The following KIRREL3 variants were observed in gnomAD, a reference collection of about 807,000 sequenced individuals.
The protein encoded by KIRREL3 is kin of IRRE-like protein 3.
KIRREL3 carries 36 observed loss-of-function variants against 89.7 expected under a neutral mutation model. The ratio of observed to expected loss-of-function variants is 0.40; its 90% CI spans 0.31 to 0.53. The LOEUF (loss-of-function observed/expected upper bound fraction) is 0.53, where lower values mean the gene tolerates loss of function less well. KIRREL3 is among the 20% of genes least tolerant of loss of function. The probability of loss-of-function intolerance (pLI) is 0.49; values close to 1 mark genes in which losing one functional copy is unlikely to be tolerated. For missense variants in KIRREL3, 864 were observed against 1,056.6 expected (o/e 0.82, Z 2.53); for synonymous variants, 445 against 441.4 (o/e 1.01, Z -0.10).
At chr11:126,631,218 T>C (rs1944011886) in intron 1 of KIRREL3, among the ~76,000 whole-genome samples, 1 of 152,208 alleles carries the variant, frequency 6.6e-6, no homozygotes, top group Admixed American at 6.5e-5. Flanking sequence ...TCATCTGAAT[T>C]CATTCTCACA....
chr11:126,505,607 C>A (rs1044133948), intron 4 of KIRREL3, among the ~76,000 whole-genome samples: 1 of 152,114 alleles, frequency 6.6e-6, no homozygotes, highest in Non-Finnish European at 1.5e-5. Context: ...ATCCAACAGT[C>A]ATACACAAAA....
intron 1 of KIRREL3, among the ~76,000 whole-genome samples, chr11:126,695,480 G>C (rs1947056943): frequency 6.7e-6 from 1 of 150,236 alleles, no homozygotes; most frequent in Non-Finnish European, 1.5e-5. Flanking sequence ...TGGTAAAGTT[G>C]GCATTAGTCC....
At position 126,752,630 on chromosome 11, in the gene KIRREL3, TC is replaced by T. The variant is rs796476471; in HGVS notation, c.56-189719del. ...TCATTGGCACTCTAATGACTACTATTCCCCCCCCACCCACTGCCTCCCAAGA... is the reference window on the plus strand; with the variant it reads ...TCATTGGCACTCTAATGACTACTATTCCCCCCCACCCACTGCCTCCCAAGA... On this transcript the variant is annotated intron_variant, in intron 1 of 16. Transcript: ENST00000525144. The surrounding 1 kb of genome is among the most constrained non-coding windows in gnomAD (Gnocchi z 4.8). 6.6e-5 allele frequency among the ~76,000 whole-genome samples: 10 copies of T among 151,672 alleles called. No individual in the cohort carries two copies. Among genetic ancestry groups the T allele is most frequent in the African/African-American group, 9.7e-5 (4 of 41,344 alleles).
chr11:126,772,754 T>C lies in KIRREL3; in HGVS notation c.56-209842A>G, dbSNP rs953591527. 1.3e-5 allele frequency among the ~76,000 whole-genome samples: 2 copies of C among 152,194 alleles called. No homozygotes were observed. Among genetic ancestry groups the C allele is most frequent in the Admixed American group, 1.3e-4 (2 of 15,288 alleles). ...GTCACTGCAGCCTCTGGGGGTGCCA[T>C]CGTGGTGCCTTCTGCTTCCTCCTGC... On this transcript the variant is annotated intron_variant, in intron 1 of 16. Coordinates refer to ENST00000525144, the MANE Select transcript of KIRREL3 (RefSeq NM_032531.4). The surrounding 1 kb of genome is among the most constrained non-coding windows in gnomAD (Gnocchi z 4.6).
rs551971552 is a variant in KIRREL3 at position 126,485,827 on chromosome 11, G to A, written c.434-12361C>T. Among the ~76,000 whole-genome samples the A allele has an allele frequency of 3.5e-4, 53 of 152,304 alleles. No individual in the cohort carries two copies. Among genetic ancestry groups the A allele is most frequent in the Middle Eastern group, 3.4e-3 (1 of 294 alleles). ...TAAACCACTAGAGCGATGACAAGGAGGTCACAGACCCAAAGATCCCACAGC... is the reference window on the plus strand; with the variant it reads ...TAAACCACTAGAGCGATGACAAGGAAGTCACAGACCCAAAGATCCCACAGC... On this transcript the variant is annotated intron_variant, in intron 4 of 16. Transcript: ENST00000525144. The surrounding 1 kb of genome is among the most constrained non-coding windows in gnomAD (Gnocchi z 5.8).
chr11:126,779,002 C>T (rs1950247602), intron 1 of KIRREL3, among the ~76,000 whole-genome samples: 1 of 152,192 alleles, frequency 6.6e-6, no homozygotes. Flanking sequence ...CAACAAATGC[C>T]TTCCATGCCC....
At chr11:126,932,253 G>T (rs1384651394) in intron 1 of KIRREL3, among the ~76,000 whole-genome samples, 1 of 152,188 alleles carries the variant, frequency 6.6e-6, no homozygotes, top group African/African-American at 2.4e-5. Context: ...TCTGGAAGAG[G>T]AGGGCCCTAT....
chr11:126,733,512 A>C (rs1359732717), intron 1 of KIRREL3, among the ~76,000 whole-genome samples: 1 of 140,162 alleles, frequency 7.1e-6, no homozygotes, highest in African/African-American at 2.6e-5. Flanking sequence ...ACTTGCTATA[A>C]AAGCGATCAT....
rs1262234850 is a variant in KIRREL3 at position 126,989,684 on chromosome 11, G to C, written c.55+10771C>G. Among the ~76,000 whole-genome samples the C allele has an allele frequency of 6.6e-6, 1 of 152,172 alleles. No individual in the cohort carries two copies. The highest frequency in any genetic ancestry group is 1.9e-4 in the East Asian group (1 of 5,168). On this transcript the variant is annotated intron_variant, in intron 1 of 16. Transcript: ENST00000525144. The surrounding 1 kb of genome is among the most constrained non-coding windows in gnomAD (Gnocchi z 6.2). ...AAAGGTGAGCCGCCATCCCCTTGGA[G>C]GTAAAGAAAGGCATGACGAAGTCTT...
In KIRREL3 at chr11:126,791,044, C is replaced by G. The variant is rs1950624765; in HGVS notation, c.55+209411G>C. Among the ~76,000 whole-genome samples the G allele has an allele frequency of 6.6e-6, 1 of 152,184 alleles. No homozygotes were observed. The highest frequency in any genetic ancestry group is 1.5e-5 in the Non-Finnish European group (1 of 68,034). On this transcript the variant is annotated intron_variant, in intron 1 of 16. Transcript: ENST00000525144. This position sits in a 1 kb window ranked among gnomAD's most constrained non-coding sequence, Gnocchi z 4.8. Reference sequence around the variant, plus strand: ...GAGAATGCAAATGAGCATGATGTCACTTCTTAGCTTTGGGAGGAAAAAATG... The same window carrying G: ...GAGAATGCAAATGAGCATGATGTCAGTTCTTAGCTTTGGGAGGAAAAAATG...
chr11:126,692,546 A>AG (rs1455159095), intron 1 of KIRREL3, among the ~76,000 whole-genome samples: 2 of 145,802 alleles, frequency 1.4e-5, no homozygotes, highest in Admixed American at 1.4e-4. Context: ...CTCTGTCTCA[A>AG]AAAAAAAAAA....
At chr11:126,737,604 A>G (rs1364808058) in intron 1 of KIRREL3, among the ~76,000 whole-genome samples, 1 of 152,172 alleles carries the variant, frequency 6.6e-6, no homozygotes, top group African/African-American at 2.4e-5. Flanking sequence ...GGATAAAGTG[A>G]GAGACTCTCG....
chr11:126,493,636 C>T (rs1957583105), intron 4 of KIRREL3, among the ~76,000 whole-genome samples: 1 of 111,226 alleles, frequency 9.0e-6, no homozygotes, highest in African/African-American at 3.7e-5. Flanking sequence ...GCCTGGGCGA[C>T]AGAGCAAGAC....
In KIRREL3 at chr11:126,788,669, C is replaced by A. The variant is rs926254491; in HGVS notation, c.55+211786G>T. The stretch of plus-strand genomic sequence containing the variant: ...TTTAGCCTCACCAGACCCATCATCA[C>A]CAGTCCTCCACATTATAGACCACAA... On this transcript the variant is annotated intron_variant, in intron 1 of 16. Transcript: ENST00000525144. The surrounding 1 kb of genome is among the most constrained non-coding windows in gnomAD (Gnocchi z 4.1). 4.6e-5 allele frequency among the ~76,000 whole-genome samples: 7 copies of A among 152,178 alleles called. No individual in the cohort carries two copies. Among genetic ancestry groups the A allele is most frequent in the African/African-American group, 1.7e-4 (7 of 41,450 alleles).
chr11:126,507,778 GC>G (rs948034406), intron 4 of KIRREL3, among the ~76,000 whole-genome samples: 3 of 152,196 alleles, frequency 2.0e-5, no homozygotes, highest in Admixed American at 2.0e-4. Context: ...CAGACCTGTT[GC>G]CCAGGCCATG....
At chr11:126,875,879 T>C (rs558369673) in intron 1 of KIRREL3, among the ~76,000 whole-genome samples, 1 of 152,316 alleles carries the variant, frequency 6.6e-6, no homozygotes, top group Non-Finnish European at 1.5e-5. Context: ...AGTGTGATTG[T>C]TAATGAAATG....
chr11:126,461,394 A>G (rs1956536351), intron 6 of KIRREL3, among the ~76,000 whole-genome samples: 1 of 152,138 alleles, frequency 6.6e-6, no homozygotes, highest in South Asian at 2.1e-4. Context: ...CCCTGCTTGC[A>G]CTGTGTGCCC....
intron 1 of KIRREL3, chr11:126,935,817 A>G (rs1303048036): frequency 2.6e-5 from 4 of 152,330 alleles, no homozygotes; most frequent in Admixed American, 2.0e-4. Flanking sequence ...GTCATTATAC[A>G]TGTGTTCAAA....
chr11:126,613,992 A>C (rs1021227035), intron 1 of KIRREL3, among the ~76,000 whole-genome samples: 1 of 143,268 alleles, frequency 7.0e-6, no homozygotes, highest in Non-Finnish European at 1.5e-5. Flanking sequence ...ATTTGGTTTT[A>C]AGAATTGCTT....
Sources: gnomAD v4.1 joint callset for allele counts (sites outside exome capture counted in the v4.1 genomes callset) on GRCh38, gnomAD v4.1.1 for gene constraint, Gnocchi (gnomAD v3.1) non-coding constraint, MANE v1.5 for transcripts, NCBI Gene and HGNC (gene_info 2026-07-23, HGNC 2026-07-21) for gene names.